The following LRBA variants were observed in gnomAD, a reference collection of about 807,000 sequenced individuals.
LRBA encodes the protein LPS responsive beige-like anchor protein, also known as lipopolysaccharide-responsive and beige-like anchor protein.
LRBA carries 176 observed loss-of-function variants against 330.0 expected under a neutral mutation model. The observed-to-expected ratio is 0.53, with a 90% CI of 0.47 to 0.60. LRBA has a LOEUF of 0.60. LRBA is among the 20% of genes least tolerant of loss of function. The pLI is 0.00. For synonymous variants in LRBA, 1,230 were observed against 1,193.0 expected (o/e 1.03, Z -0.64); for missense variants, 3,259 against 3,444.8 (o/e 0.95, Z 1.35).
intron 32 of LRBA, 104 bp downstream of exon 32, chr4:150,808,216 A>AGAAAT (rs956152955): frequency 1.1e-4 from 82 of 740,572 alleles, no homozygotes; most frequent in South Asian, 3.6e-4. Context: ...GTTGAAAGAA[A>AGAAAT]GAAATGAAAT....
At chr4:150,359,878 G>A (rs1215027828) in intron 47 of LRBA, among the ~76,000 whole-genome samples, 3 of 151,928 alleles carry the variant, frequency 2.0e-5, no homozygotes, top group Admixed American at 1.3e-4. Context: ...TACTCAGGAG[G>A]CTGAGGCAGG....
At chr4:150,689,622 A>G (rs1232990226) in intron 36 of LRBA, among the ~76,000 whole-genome samples, 1 of 152,150 alleles carries the variant, frequency 6.6e-6, no homozygotes, top group Non-Finnish European at 1.5e-5. Context: ...TCCACCAAAC[A>G]TTTAAGAGGA....
At chr4:150,551,440 A>G (rs1766576473) in intron 40 of LRBA, among the ~76,000 whole-genome samples, 2 of 152,162 alleles carry the variant, frequency 1.3e-5, no homozygotes. Flanking sequence ...GCATTTTGGG[A>G]GGCTGAGGTA....
intron 36 of LRBA, among the ~76,000 whole-genome samples, chr4:150,720,681 T>C (rs1029862876): frequency 2.0e-5 from 3 of 152,134 alleles, no homozygotes; most frequent in Non-Finnish European, 4.4e-5. Context: ...TTTCAAAGTA[T>C]AATCTAAAAA....
chr4:150,417,055 G>C (rs1396190899), intron 46 of LRBA, among the ~76,000 whole-genome samples: 1 of 151,914 alleles, frequency 6.6e-6, no homozygotes, highest in East Asian at 1.9e-4. Flanking sequence ...AAATAAGCCT[G>C]GGTTCTACCT....
intron 9 of LRBA, among the ~76,000 whole-genome samples, chr4:150,911,059 G>T (rs1048788107): frequency 4.6e-5 from 7 of 152,156 alleles, no homozygotes; most frequent in Admixed American, 3.9e-4. Context: ...GAACTCTGCA[G>T]AATTCATTTA....
intron 37 of LRBA, among the ~76,000 whole-genome samples, chr4:150,650,321 G>T (rs1779589091): frequency 6.6e-6 from 1 of 152,110 alleles, no homozygotes; most frequent in Non-Finnish European, 1.5e-5. Flanking sequence ...TAAAAACTGA[G>T]AAAATTTTCT....
intron 51 of LRBA, among the ~76,000 whole-genome samples, chr4:150,312,248 A>G (rs1185660478): frequency 6.6e-6 from 1 of 152,134 alleles, no homozygotes; most frequent in Non-Finnish European, 1.5e-5. Flanking sequence ...CAAGTCCCCC[A>G]TCCAGCTAAG....
chr4:150,337,908 T>C (rs1257568788), intron 48 of LRBA, among the ~76,000 whole-genome samples: 2 of 152,172 alleles, frequency 1.3e-5, no homozygotes, highest in Non-Finnish European at 2.9e-5. Context: ...TTCTGAAAGA[T>C]TCACTGCAGC....
chr4:150,338,400 A>G (rs1735026482), intron 48 of LRBA, among the ~76,000 whole-genome samples: 1 of 152,230 alleles, frequency 6.6e-6, no homozygotes, highest in African/African-American at 2.4e-5. Context: ...TTTAGAGGAA[A>G]TGTACCAAGT....
At chr4:150,557,162 TA>T (rs1297592025) in intron 40 of LRBA, among the ~76,000 whole-genome samples, 3 of 151,690 alleles carry the variant, frequency 2.0e-5, no homozygotes, top group Admixed American at 6.6e-5. Flanking sequence ...AAGGGGTAAG[TA>T]AAAAAAACAT....
chr4:150,931,143 T>C (rs1040089840), intron 2 of LRBA, among the ~76,000 whole-genome samples: 11 of 152,148 alleles, frequency 7.2e-5, no homozygotes, highest in Admixed American at 3.9e-4. Context: ...TATTTTGAAA[T>C]AATTTCGAAC....
At chr4:150,985,553 C>T (rs1268751768) in intron 2 of LRBA, among the ~76,000 whole-genome samples, 3 of 150,990 alleles carry the variant, frequency 2.0e-5, no homozygotes, top group Non-Finnish European at 4.4e-5. Context: ...GGCTGGAGTG[C>T]AGTGGCACCA....
intron 40 of LRBA, among the ~76,000 whole-genome samples, chr4:150,568,187 A>C (rs576169705): frequency 5.3e-5 from 8 of 152,248 alleles, no homozygotes; most frequent in South Asian, 4.1e-4. Flanking sequence ...AACAAACAAA[A>C]AAAATAAATC....
At chr4:150,806,743 C>T (rs1326001027) in intron 32 of LRBA, among the ~76,000 whole-genome samples, 1 of 151,916 alleles carries the variant, frequency 6.6e-6, no homozygotes, top group Non-Finnish European at 1.5e-5. Flanking sequence ...ACAAATTTTT[C>T]TATTTACCAC....
At chr4:150,558,111 C>A (rs762741374) in intron 40 of LRBA, among the ~76,000 whole-genome samples, 6 of 152,090 alleles carry the variant, frequency 3.9e-5, no homozygotes, top group Admixed American at 1.3e-4. Flanking sequence ...ATTGGCCAGG[C>A]TGGTCTCCAA....
chr4:150,341,745 T>C (rs1735601416), intron 48 of LRBA, among the ~76,000 whole-genome samples: 1 of 151,220 alleles, frequency 6.6e-6, no homozygotes. Context: ...CACACAGACA[T>C]ATGCATATAT....
chr4:150,597,824 C>T, intron 38 of LRBA, among the ~76,000 whole-genome samples: 1 of 152,052 alleles, frequency 6.6e-6, no homozygotes, highest in Non-Finnish European at 1.5e-5. Flanking sequence ...TTTTATTTCT[C>T]TTTCTCCACC....
chr4:150,693,324 G>A (rs1269169375), intron 36 of LRBA, among the ~76,000 whole-genome samples: 1 of 152,060 alleles, frequency 6.6e-6, no homozygotes, highest in Non-Finnish European at 1.5e-5. Context: ...AGCACTTTGG[G>A]AGGCCGAGGT....
Sources: gnomAD v4.1 joint callset for allele counts (sites outside exome capture counted in the v4.1 genomes callset) on GRCh38, gnomAD v4.1.1 for gene constraint, MANE v1.5 for transcripts, NCBI Gene and HGNC (gene_info 2026-07-23, HGNC 2026-07-21) for gene names.